Variants in EIF2AK1 observed in about 807,000 individuals in gnomAD.
The protein encoded by EIF2AK1 is eukaryotic translation initiation factor 2-alpha kinase 1.
In EIF2AK1, 54 loss-of-function variants were observed where a neutral mutation model predicts 77.9. The ratio of observed to expected loss-of-function variants is 0.69; its 90% CI spans 0.56 to 0.87. EIF2AK1 has a LOEUF of 0.87. EIF2AK1 is among the 40% of genes least tolerant of loss of function. The probability of loss-of-function intolerance (pLI) is 0.00; values close to 1 mark genes in which losing one functional copy is unlikely to be tolerated. For synonymous variants in EIF2AK1, 314 were observed against 290.5 expected, an observed-to-expected ratio of 1.08 and a Z score of -0.82; for missense variants, 810 against 768.6, an observed-to-expected ratio of 1.05 and a Z score of -0.64.
rs56396808 is a variant in EIF2AK1, at chr7:6,054,546, G to C, written c.277C>G (p.Leu93Val). The change falls in exon 2 of 15, where the codon CTA (leucine) becomes GTA (valine). Residue 93 changes from leucine (L) to valine (V), a missense_variant and splice_region_variant. Leu to Val is a conservative substitution (Grantham distance 32). Around this residue, in one of 3 missense-constraint regions of EIF2AK1, gnomAD observed 246 missense variants for 199.0 expected, o/e 1.24. Coordinates refer to ENST00000199389, the MANE Select transcript of EIF2AK1 (RefSeq NM_014413.4). The stretch of plus-strand genomic sequence containing the variant: ...GCAAGATTCATTTATTCTTACTTAC[G>C]CTTAAACACCTGTCTTGAACGAAGT... Reference protein sequence around the residue: ...NPLRSRQVFKLLCQTFIKMGL... With the variant: ...NPLRSRQVFKVLCQTFIKMGL... 2.5e-6 allele frequency: 4 copies of C among 1,613,862 alleles called. No individual in the cohort carries two copies. Among genetic ancestry groups the C allele is most frequent in the Non-Finnish European group, 2.5e-6 (3 of 1,179,914 alleles).
In EIF2AK1 at chr7:6,026,875, A is replaced by C; in HGVS notation, c.1617T>G (p.Gly539=). The C allele has an allele frequency of 6.2e-7, 1 of 1,614,122 alleles. No homozygotes were observed. The highest frequency in any genetic ancestry group is 2.2e-5 in the East Asian group (1 of 44,872). ...TEMERAEVLT[G]LRTGQLPESL... is the part of the protein sequence containing the mutation. ...ATTCCGGCAACTGACCAGTTCTTAA[A>C]CCTGTTAGAACTTCTGCTCGCTCCA... is the stretch of plus-strand genomic sequence containing the variant. The change falls in exon 14 of 15, where the codon GGT becomes GGG. Residue 539 remains glycine (G), a synonymous_variant. Transcript: ENST00000199389.
Position 6,054,552 on chromosome 7 carries a change from A to G in EIF2AK1, c.271T>C (p.Phe91Leu). 6.2e-7 allele frequency: 1 copy of G among 1,614,018 alleles called. No homozygotes were observed. The highest frequency in any genetic ancestry group is 8.5e-7 in the Non-Finnish European group (1 of 1,179,986). Reference protein sequence around the residue: ...EPNPLRSRQVFKLLCQTFIKM... With the variant: ...EPNPLRSRQVLKLLCQTFIKM... ...TTCATTTATTCTTACTTACGCTTAA[A>G]CACCTGTCTTGAACGAAGTGGGTTT... is the stretch of plus-strand genomic sequence containing the variant. Residue 91 changes from phenylalanine (F) to leucine (L), a missense_variant, in exon 2 of 15, where the codon TTT becomes CTT. Transcript: ENST00000199389.
chr7:6,044,190 C>T (rs543764685), intron 7 of EIF2AK1, among the ~76,000 whole-genome samples: 25 of 152,110 alleles, frequency 1.6e-4, no homozygotes, highest in Non-Finnish European at 2.6e-4. Flanking sequence ...ACCAACCAGG[C>T]GCGGTGGCTC....
rs762707755 is a variant in EIF2AK1, at chr7:6,044,621, G to C, written c.671C>G (p.Pro224Arg). 6.8e-6 allele frequency: 11 copies of C among 1,613,836 alleles called. No homozygotes were observed. Among genetic ancestry groups the C allele is most frequent in the East Asian group, 2.2e-5 (1 of 44,892 alleles). Residue 224 changes from proline (P) to arginine (R), a missense_variant, in exon 7 of 15, where the codon CCC becomes CGC. By Grantham distance (103) the Pro-to-Arg change is moderately radical (BLOSUM62 -2). Transcript: ENST00000199389. ...EVKVLAGLQH[P>R]NIVGYHTAWI... is the part of the protein sequence containing the mutation. ...CGCGGTGTGATAGCCAACAATATTG[G>C]GGTGCTGAAGACCTGCCAGCACCTT...
rs1022878861 is a variant in EIF2AK1, at chr7:6,049,820, T to G, written c.411+92A>C. 2.3e-6 allele frequency: 3 copies of G among 1,319,376 alleles called. No homozygotes were observed. In the South Asian group the frequency reaches 4.0e-5, roughly 18 times the overall value. The allele number at this position is 1,319,376 out of a possible 1,614,324, so 81.7% of individuals were successfully genotyped here. A position where few individuals can be genotyped will look rare whatever the true frequency, so the allele number is the denominator to read the frequency against. On this transcript the variant is annotated intron_variant, in intron 3 of 14. Transcript: ENST00000199389. Reference sequence around the variant, plus strand: ...AGTTTATACTTTTAAAAACTTGTTTTATAATCAGAATTTCACAGTGCTTTA... The same window carrying G: ...AGTTTATACTTTTAAAAACTTGTTTGATAATCAGAATTTCACAGTGCTTTA...
chr7:6,049,655 C>G, intron 3 of EIF2AK1: 1 of 216,716 alleles, frequency 4.6e-6, no homozygotes, highest in Non-Finnish European at 8.5e-6. Flanking sequence ...CAGGCAGGTT[C>G]TCACTCTGCT....
rs182599092 is a variant in EIF2AK1, at chr7:6,027,400, A to T, written c.1531-439T>A. Among the ~76,000 whole-genome samples the T allele has an allele frequency of 2.0e-5, 3 of 152,260 alleles. No individual in the cohort carries two copies. Among genetic ancestry groups the T allele is most frequent in the African/African-American group, 7.2e-5 (3 of 41,560 alleles). ...GGTGACATTTAACAAACTGCATAAA[A>T]TCTGTGATACTACTCCTAAAAACAG... On this transcript the variant is annotated intron_variant, in intron 13 of 14. Coordinates refer to ENST00000199389, the MANE Select transcript of EIF2AK1 (RefSeq NM_014413.4). This position sits in a 1 kb window ranked among gnomAD's most constrained non-coding sequence, Gnocchi z 4.5.
rs562314998 is a variant in EIF2AK1, at chr7:6,043,648, C to T, written c.731-655G>A. Among the ~76,000 whole-genome samples, 122 of 151,308 alleles carry T rather than the reference C, an allele frequency of 8.1e-4. 1 individual carries two copies. In the South Asian group the frequency reaches 0.012, roughly 15 times the overall value. ...TTCACCATATTGGCCAGGCTGGTCT[C>T]GAACTCCTGACCTTGTGATCCTCCT... On this transcript the variant is annotated intron_variant, in intron 7 of 14. Coordinates refer to ENST00000199389, the MANE Select transcript of EIF2AK1 (RefSeq NM_014413.4).
In EIF2AK1 at chr7:6,035,381, C is replaced by G; in HGVS notation, c.1332+2043G>C. ...TAAATACTGGCTTCTTAAGCATTAACTGTCCACGTAGAGCCGTTCCCACTG... is the reference window on the plus strand; with the variant it reads ...TAAATACTGGCTTCTTAAGCATTAAGTGTCCACGTAGAGCCGTTCCCACTG... On this transcript the variant is annotated intron_variant, in intron 11 of 14. Transcript: ENST00000199389. This position sits in a 1 kb window ranked among gnomAD's most constrained non-coding sequence, Gnocchi z 5.5. The G allele has an allele frequency of 7.1e-7, 1 of 1,409,864 alleles. No individual in the cohort carries two copies. The highest frequency in any genetic ancestry group is 9.6e-7 in the Non-Finnish European group (1 of 1,037,362). 87.3% of individuals were successfully genotyped at this position (1,409,864 alleles called of 1,614,324 possible).
In EIF2AK1 at chr7:6,027,206, A is replaced by C. The variant is rs1787772079; in HGVS notation, c.1531-245T>G. Among the ~76,000 whole-genome samples the C allele has an allele frequency of 6.6e-6, 1 of 152,198 alleles. No homozygotes were observed. Among genetic ancestry groups the C allele is most frequent in the Admixed American group, 6.5e-5 (1 of 15,276 alleles). The stretch of plus-strand genomic sequence containing the variant: ...GAGGGCAGGGATAATCCCCACCCAC[A>C]GCAGTCACGACCATACAACTGTCTT... On this transcript the variant is annotated intron_variant, in intron 13 of 14. Coordinates refer to ENST00000199389, the MANE Select transcript of EIF2AK1 (RefSeq NM_014413.4). The surrounding 1 kb of genome is among the most constrained non-coding windows in gnomAD (Gnocchi z 4.5).
At chr7:6,054,469 G>C in intron 2 of EIF2AK1, 77 bp downstream of exon 2, 2 of 1,534,784 alleles carry the variant, frequency 1.3e-6, no homozygotes, top group Non-Finnish European at 1.8e-6. Flanking sequence ...CTCCCAAAGT[G>C]CTGGGATTAC....
chr7:6,036,129 C>A lies in EIF2AK1; in HGVS notation c.1332+1295G>T, dbSNP rs117715040. The A allele has an allele frequency of 8.6e-3, 13,369 of 1,550,624 alleles. 79 individuals carry two copies. Among genetic ancestry groups the A allele is most frequent in the Middle Eastern group, 0.014 (86 of 5,992 alleles). ...AAGAGATACGGCACTTCTGGCCAGG[C>A]TACTTTATCACACTTATCCTCTGAG... On this transcript the variant is annotated intron_variant, in intron 11 of 14. Coordinates refer to ENST00000199389, the MANE Select transcript of EIF2AK1 (RefSeq NM_014413.4). The surrounding 1 kb of genome is among the most constrained non-coding windows in gnomAD (Gnocchi z 4.6).
intron 11 of EIF2AK1, among the ~76,000 whole-genome samples, chr7:6,037,083 T>G (rs969518493): frequency 2.0e-5 from 3 of 151,898 alleles, no homozygotes; most frequent in Non-Finnish European, 4.4e-5. Context: ...ATTTAAAAAT[T>G]AGCTGGGCAT....
intron 5 of EIF2AK1, 124 bp from the exon 6 acceptor site, chr7:6,046,275 T>C (rs1583492917): frequency 4.0e-6 from 2 of 500,550 alleles, no homozygotes; most frequent in Non-Finnish European, 3.4e-6. Flanking sequence ...GCTAAAGACA[T>C]GTCTCCTTAC....
intron 1 of EIF2AK1, among the ~76,000 whole-genome samples, chr7:6,056,293 A>AAAG (rs1491468329): frequency 7.8e-5 from 2 of 25,802 alleles, no homozygotes; most frequent in Non-Finnish European, 2.2e-4. Flanking sequence ...ACTCAGTCTC[A>AAAG]AAAAAAAAAA....
chr7:6,048,807 C>G lies in EIF2AK1; in HGVS notation c.449G>C (p.Arg150Thr). ...AATCAAGAAAGTTTTTCACACATAC[C>G]TGATTTTCTGGATACGAGAAATATC... ...CEDISRIQKI[R>T]SREVALEAQT... The change falls in exon 4 of 15, where the codon AGA becomes ACA. Residue 150 changes from arginine to threonine, a missense_variant and splice_region_variant. Coordinates refer to ENST00000199389, the MANE Select transcript of EIF2AK1 (RefSeq NM_014413.4). 1 of 1,583,954 alleles carries G rather than the reference C, an allele frequency of 6.3e-7. No homozygotes were observed. Among genetic ancestry groups the G allele is most frequent in the African/African-American group, 1.4e-5 (1 of 73,290 alleles).
At chr7:6,039,786 A>G (rs1344176364) in intron 9 of EIF2AK1, among the ~76,000 whole-genome samples, 1 of 150,560 alleles carries the variant, frequency 6.6e-6, no homozygotes, top group African/African-American at 2.4e-5. Flanking sequence ...AATACAAAAA[A>G]ATTAGCTGGG....
At position 6,024,641 on chromosome 7, in the gene EIF2AK1, C is replaced by T; in HGVS notation, c.*32G>A. 6.2e-7 allele frequency: 1 copy of T among 1,613,410 alleles called. No homozygotes were observed. The highest frequency in any genetic ancestry group is 8.5e-7 in the Non-Finnish European group (1 of 1,179,758). On this transcript the variant is annotated 3_prime_UTR_variant, in exon 15 of 15. Transcript: ENST00000199389. ...CTAATAAAGATTAAAAATTTACATT[C>T]CAGTTAACTACCTTAAAAGTTAAGT...
Position 6,029,341 on chromosome 7 carries a change from T to C in EIF2AK1, c.1333-309A>G, listed in dbSNP as rs1054258129. ...ATGGTGAAAAACCGTCTCTAAAAAA[T>C]ACAAAATTAGGTGTGGTGGCACGTG... is the stretch of plus-strand genomic sequence containing the variant. On this transcript the variant is annotated intron_variant, in intron 11 of 14. Transcript: ENST00000199389. Among the ~76,000 whole-genome samples, 3 of 150,906 alleles carry C rather than the reference T, an allele frequency of 2.0e-5. No individual in the cohort carries two copies. In the East Asian group the frequency reaches 5.9e-4, roughly 30 times the overall value.
Sources: gnomAD v4.1 joint callset for allele counts (sites outside exome capture counted in the v4.1 genomes callset) on GRCh38, gnomAD v4.1.1 for gene constraint, gnomAD v4.1.1 regional missense constraint, Gnocchi (gnomAD v3.1) non-coding constraint, MANE v1.5 for transcripts, NCBI Gene and HGNC (gene_info 2026-07-23, HGNC 2026-07-21) for gene names.